The following NRXN1 variants were observed in gnomAD, a reference collection of about 807,000 sequenced individuals.
The protein encoded by NRXN1 is neurexin-1.
A neutral mutation model predicts 150.9 loss-of-function variants in NRXN1; 39 were observed. The ratio of observed to expected loss-of-function variants is 0.26; its 90% confidence interval spans 0.20 to 0.34. The LOEUF (loss-of-function observed/expected upper bound fraction) is 0.34, where lower values mean the gene tolerates loss of function less well. Among genes scored for constraint, NRXN1 ranks in the 10% least tolerant of loss-of-function variants. NRXN1 has a pLI of 1.00. For missense variants in NRXN1, 1,815 were observed against 1,949.9 expected (o/e 0.93, Z 1.30); for synonymous variants, 924 against 757.0 (o/e 1.22, Z -3.62).
In NRXN1 at chr2:50,531,228, T is replaced by G. The variant is rs764741914; in HGVS notation, c.2346A>C (p.Leu782=). ...CAATGGGGGAAGGCAGGTTGTTACC[T>G]AGATTGACCGTCAGTTTCACACGTC... is the stretch of plus-strand genomic sequence containing the variant. ...DAGRVKLTVN[L]DCIRINCNSS... The change falls in exon 11 of 23, where the codon CTA becomes CTC. Residue 782 remains leucine, a splice_region_variant and synonymous_variant. Coordinates refer to ENST00000401669, the MANE Select transcript of NRXN1 (RefSeq NM_001330078.2). 3.1e-6 allele frequency: 5 copies of G among 1,611,994 alleles called. No homozygotes were observed. In the African/African-American group the frequency reaches 6.7e-5, roughly 22 times the overall value.
At chr2:50,494,404 G>A (rs11899602) in intron 15 of NRXN1, among the ~76,000 whole-genome samples, 5,145 of 152,146 alleles carry the variant, frequency 0.034, 274 homozygotes, top group African/African-American at 0.12. Context: ...ATTACCACCT[G>A]AGCCCACTGT....
At chr2:50,726,146 T>C (rs1461671422) in intron 5 of NRXN1, among the ~76,000 whole-genome samples, 1 of 152,176 alleles carries the variant, frequency 6.6e-6, no homozygotes, top group East Asian at 1.9e-4. Flanking sequence ...TCACTGCTTG[T>C]ATACCTAGCG....
intron 21 of NRXN1, among the ~76,000 whole-genome samples, chr2:49,951,264 C>T (rs1242508848): frequency 6.6e-6 from 1 of 151,798 alleles, no homozygotes; most frequent in African/African-American, 2.4e-5. Flanking sequence ...TTTTAGCAAA[C>T]TTATTCAAAA....
At chr2:50,669,133 A>T (rs1002784193) in intron 5 of NRXN1, among the ~76,000 whole-genome samples, 72 of 151,920 alleles carry the variant, frequency 4.7e-4, no homozygotes, top group Non-Finnish European at 4.7e-4. Context: ...ACTCAAAGAA[A>T]TAACAAACAA....
chr2:50,519,879 G>C (rs188436436), intron 12 of NRXN1, among the ~76,000 whole-genome samples: 2 of 151,978 alleles, frequency 1.3e-5, no homozygotes, highest in East Asian at 3.9e-4. Context: ...AACTGGCTCA[G>C]TGACCTGGAA....
intron 21 of NRXN1, among the ~76,000 whole-genome samples, chr2:50,052,837 A>G (rs962248149): frequency 6.4e-4 from 97 of 152,208 alleles, no homozygotes; most frequent in Non-Finnish European, 1.0e-4. Context: ...AAAATACTAT[A>G]GAAGTATTGT....
At chr2:50,356,351 T>C (rs4638832) in intron 17 of NRXN1, among the ~76,000 whole-genome samples, 36,024 of 152,102 alleles carry the variant, frequency 0.24, 4,671 homozygotes, top group East Asian at 0.45. Context: ...TCTTAGAATA[T>C]TGATTTTAAA....
chr2:50,702,149 A>T (rs1693829398), intron 5 of NRXN1, among the ~76,000 whole-genome samples: 1 of 152,150 alleles, frequency 6.6e-6, no homozygotes. Flanking sequence ...ATTATTAGAT[A>T]TTCTTAGAAA....
Position 50,071,959 on chromosome 2 carries a change from C to T in NRXN1, c.3719-16915G>A, listed in dbSNP as rs531325195. Among the ~76,000 whole-genome samples, 5 of 152,182 alleles carry T rather than the reference C, an allele frequency of 3.3e-5. No individual in the cohort carries two copies. The East Asian group carries it at 9.7e-4, about 29-fold the overall frequency. On this transcript the variant is annotated intron_variant, in intron 19 of 22. Coordinates refer to ENST00000401669, the MANE Select transcript of NRXN1 (RefSeq NM_001330078.2). ...AATTGTAATATTCTACATTACAGTCCTGGTAATTAGTACAGTTACCAAATA... is the reference window on the plus strand; with the variant it reads ...AATTGTAATATTCTACATTACAGTCTTGGTAATTAGTACAGTTACCAAATA...
intron 17 of NRXN1, among the ~76,000 whole-genome samples, chr2:50,323,593 A>G (rs2076190863): frequency 6.7e-6 from 1 of 149,648 alleles, no homozygotes; most frequent in African/African-American, 2.5e-5. Flanking sequence ...ATATATATAT[A>G]ACTTAGCAGA....
At chr2:50,977,322 T>C (rs1425121032) in intron 2 of NRXN1, among the ~76,000 whole-genome samples, 2 of 151,912 alleles carry the variant, frequency 1.3e-5, no homozygotes, top group South Asian at 2.1e-4. Flanking sequence ...TAATTTTTCA[T>C]ATGTAGTCAC....
intron 5 of NRXN1, among the ~76,000 whole-genome samples, chr2:50,725,092 G>A (rs570525348): frequency 6.6e-6 from 1 of 152,070 alleles, no homozygotes; most frequent in Admixed American, 6.5e-5. Flanking sequence ...TTAGATTACT[G>A]TAAATACAAA....
At chr2:50,230,895 C>T (rs555167922) in intron 18 of NRXN1, among the ~76,000 whole-genome samples, 6 of 152,138 alleles carry the variant, frequency 3.9e-5, no homozygotes, top group African/African-American at 1.4e-4. Context: ...CTCACATTTT[C>T]CCCAAAAATG....
chr2:49,972,411 A>G (rs1049505479), intron 21 of NRXN1, among the ~76,000 whole-genome samples: 7 of 152,256 alleles, frequency 4.6e-5, no homozygotes, highest in Admixed American at 1.3e-4. Flanking sequence ...TTAAAAAGTC[A>G]GAAGGAAAAT....
intron 5 of NRXN1, among the ~76,000 whole-genome samples, chr2:50,785,890 A>C (rs1302814008): frequency 6.6e-6 from 1 of 151,998 alleles, no homozygotes; most frequent in African/African-American, 2.4e-5. Flanking sequence ...TTATATCCTG[A>C]ATCTATTTTC....
chr2:50,250,205 A>G (rs1015335871), intron 17 of NRXN1, among the ~76,000 whole-genome samples: 4 of 152,134 alleles, frequency 2.6e-5, no homozygotes, highest in Non-Finnish European at 5.9e-5. Context: ...GGTAACTTGG[A>G]CTACCTTATG....
chr2:50,769,365 C>T (rs879803556), intron 5 of NRXN1, among the ~76,000 whole-genome samples: 10 of 152,060 alleles, frequency 6.6e-5, no homozygotes, highest in Non-Finnish European at 1.5e-4. Context: ...CTCTCTAATG[C>T]ACTAACATCA....
chr2:49,997,957 A>G (rs1683261129), intron 21 of NRXN1, among the ~76,000 whole-genome samples: 1 of 152,168 alleles, frequency 6.6e-6, no homozygotes. Context: ...GGCCCAGACT[A>G]CCACCACTTC....
At chr2:50,870,094 G>C (rs915320075) in intron 5 of NRXN1, among the ~76,000 whole-genome samples, 1 of 151,654 alleles carries the variant, frequency 6.6e-6, no homozygotes, top group East Asian at 2.0e-4. Flanking sequence ...TTGCCAATAG[G>C]TAAATAACAT....
Sources: allele counts gnomAD v4.1 joint callset (sites outside exome capture counted in the v4.1 genomes callset), GRCh38; gene constraint gnomAD v4.1.1; transcripts MANE v1.5; gene names NCBI Gene and HGNC (gene_info 2026-07-23, HGNC 2026-07-21).